The following KAT6A variants were observed in gnomAD, a reference collection of about 807,000 sequenced individuals.
KAT6A encodes histone acetyltransferase KAT6A.
A neutral mutation model predicts 198.4 loss-of-function variants in KAT6A; 9 were observed. The ratio of observed to expected loss-of-function variants is 0.05; its 90% CI spans 0.03 to 0.08. The LOEUF (loss-of-function observed/expected upper bound fraction) is 0.08. Ranked by LOEUF, KAT6A falls within the 10% of genes least tolerant of loss-of-function variation. The pLI, the probability that KAT6A is intolerant of heterozygous loss-of-function variation, is 1.00. For missense variants in KAT6A, 2,077 were observed against 2,509.9 expected (o/e 0.83, Z 3.69); for synonymous variants, 890 against 883.0 (o/e 1.01, Z -0.14).
At chr8:42,044,521 A>C (rs1475196725) in intron 2 of KAT6A, among the ~76,000 whole-genome samples, 1 of 152,192 alleles carries the variant, frequency 6.6e-6, no homozygotes, top group African/African-American at 2.4e-5. Flanking sequence ...AACACAGTTG[A>C]TCTCCCAAAA....
intron 11 of KAT6A, 93 bp downstream of exon 11, chr8:41,947,658 T>C: frequency 1.0e-6 from 1 of 970,852 alleles, no homozygotes; most frequent in Non-Finnish European, 1.6e-6. Context: ...ACCTAGGAGG[T>C]GCTGCATCTT....
intron 2 of KAT6A, among the ~76,000 whole-genome samples, chr8:42,047,933 A>G (rs527404773): frequency 6.6e-6 from 1 of 152,138 alleles, no homozygotes; most frequent in Admixed American, 6.5e-5. Context: ...CAAAATGGAA[A>G]ACAGAAAAAT....
rs73628569 is a variant in KAT6A at position 42,022,173 on chromosome 8, G to C, written c.600+26205C>G. 8.4e-3 allele frequency among the ~76,000 whole-genome samples: 1,277 copies of C among 152,040 alleles called. 17 individuals carry two copies. The highest frequency in any genetic ancestry group is 0.029 in the African/African-American group (1,182 of 41,462). On this transcript the variant is annotated intron_variant, in intron 2 of 16. Coordinates refer to ENST00000265713, the MANE Select transcript of KAT6A (RefSeq NM_006766.5). ...TATAATATGTATTCAAAATTATACA[G>C]GTTTTCAAATACAGGTACTACATAA...
chr8:42,023,861 G>C (rs1156803486), intron 2 of KAT6A, among the ~76,000 whole-genome samples: 1 of 147,464 alleles, frequency 6.8e-6, no homozygotes, highest in Non-Finnish European at 1.5e-5. Context: ...TTTACTTTTT[G>C]TTAAGCATTA....
intron 2 of KAT6A, among the ~76,000 whole-genome samples, chr8:41,991,687 A>G (rs139594433): frequency 6.6e-6 from 1 of 152,356 alleles, no homozygotes; most frequent in Non-Finnish European, 1.5e-5. Flanking sequence ...AGAAACATCA[A>G]TAGTGATTTG....
chr8:41,974,751 C>G lies in KAT6A; in HGVS notation c.1435G>C (p.Glu479Gln), dbSNP rs1823963795. 1 of 1,610,320 alleles carries G rather than the reference C, an allele frequency of 6.2e-7. No individual in the cohort carries two copies. The change falls in exon 8 of 17, where the codon GAG becomes CAG. Residue 479 changes from glutamate to glutamine, a missense_variant. Around this residue, in one of 13 missense-constraint regions of KAT6A, gnomAD observed 206 missense variants for 214.9 expected, o/e 0.96. Transcript: ENST00000265713. Reference protein sequence around the residue: ...RLFGSQEIMTEKDMELFRDIQ... With the variant: ...RLFGSQEIMTQKDMELFRDIQ... ...TCACGAAATAATTCCATATCTTTCT[C>G]AGTCATGATTTCCTGGCTCCCAAAA...
intron 15 of KAT6A, among the ~76,000 whole-genome samples, chr8:41,938,954 G>GAAAAAAA (rs894664976): frequency 4.0e-5 from 3 of 75,744 alleles, no homozygotes; most frequent in African/African-American, 4.8e-5. Context: ...TCTGGGGAAG[G>GAAAAAAA]AAAAAAAAAA....
At chr8:41,946,047 A>G (rs931549823) in intron 12 of KAT6A, among the ~76,000 whole-genome samples, 18 of 152,046 alleles carry the variant, frequency 1.2e-4, no homozygotes, top group Middle Eastern at 3.4e-3. Flanking sequence ...AAAAAAAAAA[A>G]ATTCGTGTCC....
chr8:42,027,276 T>C (rs1259608570), intron 2 of KAT6A, among the ~76,000 whole-genome samples: 1 of 152,196 alleles, frequency 6.6e-6, no homozygotes, highest in Non-Finnish European at 1.5e-5. Flanking sequence ...CTGGATTTGG[T>C]ATTGGGATAA....
At chr8:42,025,621 TTTGAG>T (rs1221046388) in intron 2 of KAT6A, among the ~76,000 whole-genome samples, 3 of 152,188 alleles carry the variant, frequency 2.0e-5, no homozygotes, top group Non-Finnish European at 2.9e-5. Flanking sequence ...TTTTCTTGTC[TTTGAG>T]TTGAGTTCCT....
At chr8:42,023,109 T>C (rs958266196) in intron 2 of KAT6A, among the ~76,000 whole-genome samples, 3 of 152,174 alleles carry the variant, frequency 2.0e-5, no homozygotes, top group Non-Finnish European at 4.4e-5. Context: ...TGTAACACAA[T>C]GGTAAGATTT....
At chr8:41,963,867 C>G (rs562285127) in intron 8 of KAT6A, among the ~76,000 whole-genome samples, 1 of 152,184 alleles carries the variant, frequency 6.6e-6, no homozygotes, top group Admixed American at 6.5e-5. Flanking sequence ...TGTTTGAACT[C>G]CAACCAACTG....
chr8:42,047,161 G>C (rs1170509671), intron 2 of KAT6A, among the ~76,000 whole-genome samples: 1 of 152,108 alleles, frequency 6.6e-6, no homozygotes, highest in Non-Finnish European at 1.5e-5. Context: ...TGTCTACCAA[G>C]GTGTGCAGCA....
At chr8:41,977,491 ATAT>A in intron 6 of KAT6A, 164 bp from the exon 7 acceptor site, 2 of 505,478 alleles carry the variant, frequency 4.0e-6, no homozygotes, top group Non-Finnish European at 6.8e-6. Context: ...ATGAAAATTA[ATAT>A]TATTATTAGA....
At chr8:42,044,345 C>A (rs1287714562) in intron 2 of KAT6A, among the ~76,000 whole-genome samples, 3 of 151,942 alleles carry the variant, frequency 2.0e-5, no homozygotes, top group Non-Finnish European at 4.4e-5. Flanking sequence ...GTGATCCACC[C>A]CCCCCTCGGC....
intron 12 of KAT6A, among the ~76,000 whole-genome samples, chr8:41,945,545 C>T (rs996050118): frequency 6.6e-6 from 1 of 151,984 alleles, no homozygotes; most frequent in Non-Finnish European, 1.5e-5. Flanking sequence ...GTTGGGATTA[C>T]AGGAGTGAGC....
chr8:41,966,811 C>G (rs764766807), intron 8 of KAT6A, among the ~76,000 whole-genome samples: 1 of 152,266 alleles, frequency 6.6e-6, no homozygotes, highest in East Asian at 1.9e-4. Flanking sequence ...ACCCCCATGA[C>G]ATCCCGTATA....
rs1554682544 is a variant in KAT6A at position 41,946,529 on chromosome 8, C to CACAT, written c.1996+61_1996+62insATGT. 15,438 of 681,230 alleles carry CACAT rather than the reference C, an allele frequency of 0.023. 824 individuals are homozygous for CACAT. Among genetic ancestry groups the CACAT allele is most frequent in the South Asian group, 0.051 (2,677 of 52,738 alleles). The allele number at this position is 681,230 out of a possible 1,614,324, so 42.2% of individuals were successfully genotyped here. On this transcript the variant is annotated intron_variant, in intron 12 of 16. Coordinates refer to ENST00000265713, the MANE Select transcript of KAT6A (RefSeq NM_006766.5). ...ACACACACACACACACACACACACACACACACACACACAGAGAAGGTCCAC... is the reference window on the plus strand; with the variant it reads ...ACACACACACACACACACACACACACACATACACACACACACAGAGAAGGTCCAC...
intron 2 of KAT6A, among the ~76,000 whole-genome samples, chr8:42,035,992 T>C (rs999317727): frequency 6.6e-6 from 1 of 151,940 alleles, no homozygotes; most frequent in Non-Finnish European, 1.5e-5. Flanking sequence ...TGAAAAAGAA[T>C]GGAGAGATGA....
Sources: gnomAD v4.1 joint callset for allele counts (sites outside exome capture counted in the v4.1 genomes callset) on GRCh38, gnomAD v4.1.1 for gene constraint, gnomAD v4.1.1 regional missense constraint, MANE v1.5 for transcripts, NCBI Gene and HGNC (gene_info 2026-07-23, HGNC 2026-07-21) for gene names.